Variants in NRXN3 observed in about 807,000 individuals in gnomAD.
NRXN3 encodes neurexin 3.
In NRXN3, 32 loss-of-function variants were observed where a neutral mutation model predicts 137.6. The ratio of observed to expected loss-of-function variants is 0.23; its 90% CI spans 0.18 to 0.31. NRXN3 has a LOEUF of 0.31. Among genes scored for constraint, NRXN3 ranks in the 10% least tolerant of loss-of-function variants. The pLI, the probability that NRXN3 is intolerant of heterozygous loss-of-function variation, is 1.00. For missense variants in NRXN3, 1,574 were observed against 2,062.5 expected (o/e 0.76, Z 4.59); for synonymous variants, 798 against 784.5 (o/e 1.02, Z -0.29).
rs2096634158 is a variant in NRXN3 at position 79,484,153 on chromosome 14, TAG to T, written c.3444+16754_3444+16755del. Reference sequence around the variant, plus strand: ...GGCAGCGGCATGAGAGCATCTAAAATAGAGTCATTCCCATTGCCCCAGCACAT... The same window carrying T: ...GGCAGCGGCATGAGAGCATCTAAAATAGTCATTCCCATTGCCCCAGCACAT... On this transcript the variant is annotated intron_variant, in intron 16 of 20. Coordinates refer to ENST00000335750, the MANE Select transcript of NRXN3 (RefSeq NM_001330195.2). Among the ~76,000 whole-genome samples, 4 of 152,170 alleles carry T rather than the reference TAG, an allele frequency of 2.6e-5. 1 individual carries two copies. In the South Asian group the frequency reaches 8.3e-4, roughly 32 times the overall value.
intron 4 of NRXN3, among the ~76,000 whole-genome samples, chr14:78,437,554 G>C (rs2094114214): frequency 6.6e-6 from 1 of 152,052 alleles, no homozygotes; most frequent in Non-Finnish European, 1.5e-5. Context: ...TCCTCATGTT[G>C]GCCAGGCTGG....
intron 4 of NRXN3, among the ~76,000 whole-genome samples, chr14:78,525,812 G>T (rs1431537409): frequency 6.6e-6 from 1 of 152,132 alleles, no homozygotes; most frequent in East Asian, 1.9e-4. Context: ...TGTTCTCCTG[G>T]TTTTGCTCCT....
intron 4 of NRXN3, among the ~76,000 whole-genome samples, chr14:78,580,903 G>T (rs1429986652): frequency 1.3e-5 from 2 of 152,168 alleles, no homozygotes; most frequent in Non-Finnish European, 2.9e-5. Context: ...CTTAGTCCTT[G>T]AAAAGGGGAA....
At chr14:78,232,393 C>T (rs970710715) in intron 1 of NRXN3, among the ~76,000 whole-genome samples, 4 of 152,098 alleles carry the variant, frequency 2.6e-5, no homozygotes, top group Admixed American at 6.6e-5. Context: ...GATTGCTGGG[C>T]AGGCTTATTT....
chr14:79,061,380 G>A (rs2099674067), intron 15 of NRXN3, among the ~76,000 whole-genome samples: 2 of 152,212 alleles, frequency 1.3e-5, no homozygotes, highest in Admixed American at 1.3e-4. Context: ...TCGTCTGAGA[G>A]TTCCTGGCTA....
chr14:79,645,911 C>T lies in NRXN3; in HGVS notation c.3445-17867C>T, dbSNP rs544471524. On this transcript the variant is annotated intron_variant, in intron 16 of 20. Coordinates refer to ENST00000335750, the MANE Select transcript of NRXN3 (RefSeq NM_001330195.2). ...TTCCACTTTTGAACTCATCAAATTC[C>T]TTGCTTTTCTTTTCCTTGTCTTTTC... Among the ~76,000 whole-genome samples the T allele has an allele frequency of 1.6e-4, 22 of 135,998 alleles. 1 individual carries two copies. The highest frequency in any genetic ancestry group is 5.4e-4 in the African/African-American group (22 of 40,908). 89.2% of individuals were successfully genotyped at this position (135,998 alleles called of 152,430 possible). A position where few individuals can be genotyped will look rare whatever the true frequency, so the allele number is the denominator to read the frequency against.
chr14:78,240,325 G>A (rs762271897), intron 1 of NRXN3, among the ~76,000 whole-genome samples: 38 of 152,128 alleles, frequency 2.5e-4, no homozygotes, highest in Admixed American at 1.3e-4. Flanking sequence ...TGTGTCCTAC[G>A]CTAGGGAACC....
At chr14:79,627,901 CTG>C (rs1469641397) in intron 16 of NRXN3, among the ~76,000 whole-genome samples, 3 of 152,050 alleles carry the variant, frequency 2.0e-5, no homozygotes, top group Admixed American at 1.3e-4. Flanking sequence ...CAAATAGTGT[CTG>C]TATATATGCA....
intron 10 of NRXN3, among the ~76,000 whole-genome samples, chr14:78,854,077 T>G (rs1176890267): frequency 6.6e-6 from 1 of 152,222 alleles, no homozygotes; most frequent in East Asian, 1.9e-4. Context: ...ATGGCAACCT[T>G]TAATTATACC....
At chr14:79,500,410 G>A (rs886445366) in intron 16 of NRXN3, among the ~76,000 whole-genome samples, 11 of 152,068 alleles carry the variant, frequency 7.2e-5, no homozygotes, top group African/African-American at 2.2e-4. Context: ...TGTTTAATCA[G>A]GGAATGATGA....
chr14:78,578,701 T>G (rs2096961407), intron 4 of NRXN3, among the ~76,000 whole-genome samples: 1 of 152,212 alleles, frequency 6.6e-6, no homozygotes, highest in Non-Finnish European at 1.5e-5. Flanking sequence ...TATATTGTTC[T>G]GATCTAAAGT....
chr14:79,685,204 A>G (rs1482321694), intron 17 of NRXN3, among the ~76,000 whole-genome samples: 1 of 152,162 alleles, frequency 6.6e-6, no homozygotes, highest in Admixed American at 6.6e-5. Flanking sequence ...ATTTTGTGCC[A>G]CAGATTTGCA....
intron 20 of NRXN3, among the ~76,000 whole-genome samples, chr14:79,847,352 C>T (rs953190497): frequency 1.3e-5 from 2 of 152,020 alleles, no homozygotes; most frequent in Middle Eastern, 3.4e-3. Context: ...TTTATTTCAC[C>T]CTTGTGAGTT....
At chr14:78,656,971 C>T (rs970952367) in intron 6 of NRXN3, among the ~76,000 whole-genome samples, 7 of 138,972 alleles carry the variant, frequency 5.0e-5, no homozygotes, top group African/African-American at 1.6e-4. Context: ...GGTGTGAACC[C>T]GGGAGGGGCA....
intron 5 of NRXN3, among the ~76,000 whole-genome samples, chr14:78,646,692 G>A (rs2097691306): frequency 6.6e-6 from 1 of 152,170 alleles, no homozygotes; most frequent in Admixed American, 6.5e-5. Flanking sequence ...AGGTAAAAAT[G>A]CCAAATGACA....
At chr14:78,857,346 A>G (rs1225438464) in intron 10 of NRXN3, among the ~76,000 whole-genome samples, 1 of 152,162 alleles carries the variant, frequency 6.6e-6, no homozygotes, top group Non-Finnish European at 1.5e-5. Flanking sequence ...GTGTTGAAGG[A>G]AGTTATTCTG....
chr14:79,538,528 A>C (rs1374603999), intron 16 of NRXN3, among the ~76,000 whole-genome samples: 1 of 152,164 alleles, frequency 6.6e-6, no homozygotes, highest in Non-Finnish European at 1.5e-5. Context: ...ATGGCTAGCC[A>C]GTTTTCCCAG....
intron 15 of NRXN3, among the ~76,000 whole-genome samples, chr14:79,175,500 A>G (rs2062239203): frequency 6.6e-6 from 1 of 152,250 alleles, no homozygotes; most frequent in South Asian, 2.1e-4. Flanking sequence ...GTTTTATATC[A>G]ATATGACTGT....
intron 15 of NRXN3, among the ~76,000 whole-genome samples, chr14:79,133,692 G>A (rs986213118): frequency 1.4e-4 from 22 of 152,164 alleles, no homozygotes; most frequent in East Asian, 1.2e-3. Context: ...TTGGGAGGCC[G>A]AGGCGGGTGG....
Sources: allele counts gnomAD v4.1 joint callset (sites outside exome capture counted in the v4.1 genomes callset), GRCh38; gene constraint gnomAD v4.1.1; transcripts MANE v1.5; gene names NCBI Gene and HGNC (gene_info 2026-07-23, HGNC 2026-07-21).